Variants in LRCH2 observed in about 807,000 individuals in gnomAD.
LRCH2 encodes leucine-rich repeat and calponin homology domain-containing protein 2.
In LRCH2, 38 loss-of-function variants were observed where a neutral mutation model predicts 68.9. The ratio of observed to expected loss-of-function variants is 0.55; its 90% confidence interval spans 0.43 to 0.72. The LOEUF (loss-of-function observed/expected upper bound fraction) is 0.72, where lower values mean the gene tolerates loss of function less well. Ranked by LOEUF, LRCH2 falls within the 30% of genes least tolerant of loss-of-function variation. The pLI is 0.00. For missense variants in LRCH2, 528 were observed against 572.9 expected (o/e 0.92, Z 0.80); for synonymous variants, 191 against 208.1 (o/e 0.92, Z 0.71).
rs782069914 is a variant in LRCH2 at position 115,113,349 on chromosome X, A to T, written c.2179-14T>A. The T allele has an allele frequency of 3.5e-6, 4 of 1,155,349 alleles. No individual in the cohort carries two copies. Among genetic ancestry groups the T allele is most frequent in the Non-Finnish European group, 4.6e-6 (4 of 862,042 alleles). ...ACAAAGTCTTTCCTGGAGAAAAAAA[A>T]GAGATATTTGAACATTCATTTTTTA... On this transcript the variant is annotated splice_polypyrimidine_tract_variant and intron_variant, in intron 20 of 20. Coordinates refer to ENST00000317135, the MANE Select transcript of LRCH2 (RefSeq NM_020871.4).
chrX:115,202,152 T>A (rs1208132149), intron 1 of LRCH2, among the ~76,000 whole-genome samples: 2 of 111,607 alleles, frequency 1.8e-5, no homozygotes, highest in Admixed American at 9.5e-5. Flanking sequence ...GAAAAAACAA[T>A]CATAAAATTC....
chrX:115,228,099 T>C (rs946826735), intron 1 of LRCH2, among the ~76,000 whole-genome samples: 1 of 112,426 alleles, frequency 8.9e-6, no homozygotes, highest in Non-Finnish European at 1.9e-5. Context: ...AAGAGAAATG[T>C]AAAGATTAAA....
chrX:115,190,506 C>T lies in LRCH2; in HGVS notation c.350-2136G>A, dbSNP rs782288232. 1.7e-4 allele frequency: 193 copies of T among 1,156,413 alleles called. 1 individual carries two copies. The African/African-American group carries it at 2.6e-3, about 16-fold the overall frequency. On this transcript the variant is annotated intron_variant, in intron 1 of 20. Transcript: ENST00000317135. ...AGGCCTTGCCAGTCGTCTTGCCAGA[C>T]GCCTACAGCAGGGACCACTCGCCCA... is the stretch of plus-strand genomic sequence containing the variant.
At chrX:115,151,087 T>C in intron 12 of LRCH2, among the ~76,000 whole-genome samples, 1 of 111,307 alleles carries the variant, frequency 9.0e-6, no homozygotes, top group East Asian at 2.8e-4. Context: ...ACTGTAATAA[T>C]AATTTTTTTA....
chrX:115,160,325 TA>T (rs1320901584), intron 11 of LRCH2, among the ~76,000 whole-genome samples: 7 of 108,756 alleles, frequency 6.4e-5, no homozygotes, highest in Admixed American at 9.8e-5. Flanking sequence ...CAAAAAATAT[TA>T]AAAAAAAATA....
At chrX:115,208,600 A>G (rs2072985266) in intron 1 of LRCH2, among the ~76,000 whole-genome samples, 1 of 112,007 alleles carries the variant, frequency 8.9e-6, no homozygotes, top group South Asian at 3.7e-4. Context: ...CTGCACCCAC[A>G]GAGCCACAGA....
At chrX:115,208,369 T>C (rs1285300293) in intron 1 of LRCH2, among the ~76,000 whole-genome samples, 1 of 112,240 alleles carries the variant, frequency 8.9e-6, no homozygotes, top group Non-Finnish European at 1.9e-5. Flanking sequence ...AAATCCAGTA[T>C]TGGCAGTAAA....
At chrX:115,189,724 G>A (rs1556556317) in intron 1 of LRCH2, 1 of 1,167,126 alleles carries the variant, frequency 8.6e-7, no homozygotes, top group Non-Finnish European at 1.1e-6. Flanking sequence ...CAGCCGATGG[G>A]TCCCGCCAAC....
At chrX:115,219,419 GAAA>G (rs10577002) in intron 1 of LRCH2, among the ~76,000 whole-genome samples, 53 of 107,390 alleles carry the variant, frequency 4.9e-4, no homozygotes, top group African/African-American at 1.6e-3. Flanking sequence ...CCACAAACTG[GAAA>G]AAAAAAAAAT....
intron 1 of LRCH2, among the ~76,000 whole-genome samples, chrX:115,226,242 A>G (rs782476106): frequency 2.7e-5 from 3 of 112,201 alleles, no homozygotes; most frequent in Non-Finnish European, 5.6e-5. Flanking sequence ...ACAGTTTTAC[A>G]TAACAATTTG....
chrX:115,151,215 C>A (rs1466837274), intron 12 of LRCH2, among the ~76,000 whole-genome samples: 5 of 111,211 alleles, frequency 4.5e-5, no homozygotes, highest in Non-Finnish European at 9.4e-5. Flanking sequence ...CTTTTCAACC[C>A]TCCTTTCTAC....
intron 12 of LRCH2, among the ~76,000 whole-genome samples, chrX:115,150,922 T>C (rs1377867303): frequency 1.8e-5 from 2 of 110,710 alleles, no homozygotes; most frequent in African/African-American, 6.5e-5. Flanking sequence ...AAGAAAAGTA[T>C]AAAATACCTA....
intron 1 of LRCH2, chrX:115,192,200 C>T (rs1556560948): frequency 3.4e-6 from 4 of 1,165,817 alleles, no homozygotes; most frequent in East Asian, 3.3e-5. Flanking sequence ...CAAGGCCGCT[C>T]GCCCAATGCC....
chrX:115,160,549 GGAT>G (rs2072511486), intron 11 of LRCH2, among the ~76,000 whole-genome samples: 1 of 111,043 alleles, frequency 9.0e-6, no homozygotes, highest in South Asian at 3.7e-4. Context: ...TAGCAGTCCT[GGAT>G]GATATTTCCT....
At chrX:115,206,480 A>G (rs1556568167) in intron 1 of LRCH2, among the ~76,000 whole-genome samples, 1 of 112,476 alleles carries the variant, frequency 8.9e-6, no homozygotes, top group African/African-American at 3.2e-5. Context: ...GGTGTTCCTG[A>G]ACCACAAACA....
chrX:115,214,335 C>A (rs1293008142), intron 1 of LRCH2, among the ~76,000 whole-genome samples: 1 of 112,101 alleles, frequency 8.9e-6, no homozygotes, highest in African/African-American at 3.2e-5. Flanking sequence ...GAGACTGATA[C>A]TGGATGGAGC....
chrX:115,123,838 G>C (rs1316099359), intron 17 of LRCH2, 107 bp downstream of exon 17: 1 of 436,614 alleles, frequency 2.3e-6, no homozygotes, highest in African/African-American at 2.6e-5. Context: ...TTTTAGGAGA[G>C]GGGAAAGAAT....
At chrX:115,164,116 T>C (rs1221788497) in intron 10 of LRCH2, among the ~76,000 whole-genome samples, 2 of 111,097 alleles carry the variant, frequency 1.8e-5, no homozygotes, top group African/African-American at 6.5e-5. Flanking sequence ...GACTGCAGAG[T>C]TCTATATGGC....
intron 14 of LRCH2, among the ~76,000 whole-genome samples, chrX:115,145,725 A>T (rs2072376501): frequency 8.9e-6 from 1 of 111,972 alleles, no homozygotes; most frequent in African/African-American, 3.2e-5. Flanking sequence ...AATGCAAATC[A>T]AAACTACAAT....
Sources: gnomAD v4.1 joint callset for allele counts (sites outside exome capture counted in the v4.1 genomes callset) on GRCh38, gnomAD v4.1.1 for gene constraint, MANE v1.5 for transcripts, NCBI Gene and HGNC (gene_info 2026-07-23, HGNC 2026-07-21) for gene names.